Variants in MED12L observed in about 807,000 individuals in gnomAD.
The protein encoded by MED12L is mediator complex subunit 12L, also known as mediator of RNA polymerase II transcription subunit 12-like protein.
MED12L carries 60 observed loss-of-function variants against 281.3 expected under a neutral mutation model. The ratio of observed to expected loss-of-function variants is 0.21; its 90% confidence interval spans 0.17 to 0.26. The LOEUF is 0.26. Ranked by LOEUF, MED12L falls within the 10% of genes least tolerant of loss-of-function variation. The probability of loss-of-function intolerance (pLI) is 1.00; values close to 1 mark genes in which losing one functional copy is unlikely to be tolerated. For missense variants in MED12L, 2,146 were observed against 2,680.9 expected (o/e 0.80, Z 4.41); for synonymous variants, 974 against 987.2 (o/e 0.99, Z 0.25).
intron 16 of MED12L, among the ~76,000 whole-genome samples, chr3:151,311,302 TTATATA>T (rs755526279): frequency 3.3e-5 from 5 of 150,030 alleles, no homozygotes; most frequent in East Asian, 1.9e-4. Flanking sequence ...GTTTTTAAAA[TTATATA>T]TATATATATA....
intron 16 of MED12L, among the ~76,000 whole-genome samples, chr3:151,216,367 T>A (rs1451468667): frequency 2.6e-5 from 4 of 152,176 alleles, no homozygotes; most frequent in Non-Finnish European, 4.4e-5. Context: ...CATATCACAG[T>A]GAATGACAAG....
chr3:151,174,892 A>AT (rs1217168787), intron 11 of MED12L, among the ~76,000 whole-genome samples: 1 of 149,006 alleles, frequency 6.7e-6, no homozygotes, highest in Non-Finnish European at 1.5e-5. Context: ...AGGTCTCACT[A>AT]TATTCCTCAG....
intron 16 of MED12L, among the ~76,000 whole-genome samples, chr3:151,219,119 T>C (rs1474487464): frequency 1.3e-5 from 2 of 152,174 alleles, no homozygotes; most frequent in Admixed American, 1.3e-4. Flanking sequence ...GAGCATTGTG[T>C]AGAAAGAATG....
intron 5 of MED12L, among the ~76,000 whole-genome samples, chr3:151,153,562 T>TGC (rs1718855864): frequency 7.6e-6 from 1 of 131,322 alleles, no homozygotes; most frequent in African/African-American, 3.6e-5. Context: ...TCTGTTTTCT[T>TGC]TCTTTTTTTT....
At chr3:151,172,125 G>C (rs561626799) in intron 11 of MED12L, among the ~76,000 whole-genome samples, 1 of 152,182 alleles carries the variant, frequency 6.6e-6, no homozygotes, top group Non-Finnish European at 1.5e-5. Flanking sequence ...GAGAGAGTAC[G>C]TGCAGGTAGA....
intron 16 of MED12L, among the ~76,000 whole-genome samples, chr3:151,320,949 T>C (rs1748925036): frequency 6.6e-6 from 1 of 152,222 alleles, no homozygotes. Flanking sequence ...TTGTAAAGCT[T>C]AAATGAGGTA....
intron 16 of MED12L, among the ~76,000 whole-genome samples, chr3:151,299,684 C>T (rs531238131): frequency 6.6e-6 from 1 of 151,912 alleles, no homozygotes; most frequent in Non-Finnish European, 1.5e-5. Flanking sequence ...CAAATAGTTA[C>T]CCAGTAGATT....
At chr3:151,138,893 T>G (rs1010612415) in intron 5 of MED12L, among the ~76,000 whole-genome samples, 8 of 152,138 alleles carry the variant, frequency 5.3e-5, no homozygotes, top group African/African-American at 1.9e-4. Flanking sequence ...AGTCCACACT[T>G]AAGAAGTGGG....
intron 5 of MED12L, among the ~76,000 whole-genome samples, chr3:151,136,560 C>T (rs1716167294): frequency 1.3e-5 from 2 of 152,212 alleles, no homozygotes; most frequent in African/African-American, 4.8e-5. Context: ...AAAAACCATT[C>T]TCCAATAGAA....
At chr3:151,104,076 A>G (rs1295482796) in intron 2 of MED12L, among the ~76,000 whole-genome samples, 1 of 152,090 alleles carries the variant, frequency 6.6e-6, no homozygotes, top group Non-Finnish European at 1.5e-5. Flanking sequence ...TGTTGAGCTC[A>G]TATCCTTTTG....
intron 16 of MED12L, among the ~76,000 whole-genome samples, chr3:151,254,715 A>G (rs1410501777): frequency 1.3e-5 from 2 of 152,236 alleles, no homozygotes; most frequent in African/African-American, 4.8e-5. Flanking sequence ...TTAGCATTAC[A>G]ACTCAACAGG....
At position 151,341,870 on chromosome 3, in the gene MED12L, T is replaced by G. The variant is rs538228870; in HGVS notation, c.2251-8189T>G. On this transcript the variant is annotated intron_variant, in intron 16 of 44. Coordinates refer to ENST00000687756, the MANE Select transcript of MED12L (RefSeq NM_001393769.1). ...GCGATAGTTTACTGAGAATGATGAT[T>G]TCTAATTTCATCCATGTCCCTACAA... Among the ~76,000 whole-genome samples, 39 of 152,268 alleles carry G rather than the reference T, an allele frequency of 2.6e-4. No individual in the cohort carries two copies. The South Asian group carries it at 7.9e-3, about 31-fold the overall frequency.
intron 43 of MED12L, among the ~76,000 whole-genome samples, chr3:151,417,769 C>T (rs1052708148): frequency 3.3e-5 from 5 of 152,162 alleles, no homozygotes; most frequent in Non-Finnish European, 5.9e-5. Context: ...TGTGCCCGGC[C>T]TATTCCCCAT....
At position 151,247,967 on chromosome 3, in the gene MED12L, T is replaced by C. The variant is rs1159502728; in HGVS notation, c.2250+54301T>C. Among the ~76,000 whole-genome samples the C allele has an allele frequency of 2.6e-3, 189 of 71,764 alleles. 1 individual carries two copies. Among genetic ancestry groups the C allele is most frequent in the Non-Finnish European group, 4.9e-3 (169 of 34,522 alleles). The allele number at this position is 71,764 out of a possible 152,430, so 47.1% of individuals were successfully genotyped here. On this transcript the variant is annotated intron_variant, in intron 16 of 44. Coordinates refer to ENST00000687756, the MANE Select transcript of MED12L (RefSeq NM_001393769.1). ...CTTTCTTTCTTCTTCTTCTTCTTTT[T>C]TTTTTTTTTTTTTTTTTTGCCTGAG...
chr3:151,406,307 T>C (rs1264643007), intron 39 of MED12L, among the ~76,000 whole-genome samples: 1 of 152,264 alleles, frequency 6.6e-6, no homozygotes, highest in East Asian at 1.9e-4. Flanking sequence ...AAGAACTTAT[T>C]CATTCTGTTC....
At chr3:151,238,892 A>G (rs1166782062) in intron 16 of MED12L, among the ~76,000 whole-genome samples, 2 of 152,214 alleles carry the variant, frequency 1.3e-5, no homozygotes, top group Non-Finnish European at 2.9e-5. Context: ...TGCATTTTTC[A>G]TGGAACACCA....
At chr3:151,368,710 A>T (rs1446400153) in intron 25 of MED12L, among the ~76,000 whole-genome samples, 1 of 39,926 alleles carries the variant, frequency 2.5e-5, no homozygotes. Flanking sequence ...ATTTCATTTC[A>T]TTTCATTTCA....
chr3:151,242,786 GAGA>G lies in MED12L; in HGVS notation c.2250+49126_2250+49128del, dbSNP rs1208620715. 5.3e-4 allele frequency among the ~76,000 whole-genome samples: 81 copies of G among 152,186 alleles called. No homozygotes were observed. In the Middle Eastern group the frequency reaches 0.017, roughly 32 times the overall value. ...ATGGAGAATGACTTTGACGAGCTGA[GAGA>G]AGAAGGCTTCAGACGATCAAATTAC... On this transcript the variant is annotated intron_variant, in intron 16 of 44. Coordinates refer to ENST00000687756, the MANE Select transcript of MED12L (RefSeq NM_001393769.1).
chr3:151,350,222 G>T lies in MED12L; in HGVS notation c.2398+16G>T, dbSNP rs1414965197. ...GAGACAGGGGGTAAAGAACCTTAATGCATTTGCTCCCATTGTGTTGCCTTT... is the reference window on the plus strand; with the variant it reads ...GAGACAGGGGGTAAAGAACCTTAATTCATTTGCTCCCATTGTGTTGCCTTT... On this transcript the variant is annotated intron_variant, in intron 17 of 44. Transcript: ENST00000687756. 6.2e-7 allele frequency: 1 copy of T among 1,610,800 alleles called. No individual in the cohort carries two copies.
Sources: gnomAD v4.1 joint callset for allele counts (sites outside exome capture counted in the v4.1 genomes callset) on GRCh38, gnomAD v4.1.1 for gene constraint, MANE v1.5 for transcripts, NCBI Gene and HGNC (gene_info 2026-07-23, HGNC 2026-07-21) for gene names.